The following NRCAM variants were observed in gnomAD, a reference collection of about 807,000 sequenced individuals.
NRCAM encodes neuronal cell adhesion molecule, also known as NgCAM-related cell adhesion molecule.
Under a neutral mutation model 156.5 loss-of-function variants are expected in NRCAM, and 83 were observed. The ratio of observed to expected loss-of-function variants is 0.53; its 90% CI spans 0.44 to 0.64. The LOEUF (loss-of-function observed/expected upper bound fraction) is 0.64. NRCAM is among the 30% of genes least tolerant of loss of function. The pLI is 0.00. For missense variants in NRCAM, 1,417 were observed against 1,597.3 expected (o/e 0.89, Z 1.92); for synonymous variants, 538 against 563.9 (o/e 0.95, Z 0.65).
chr7:108,334,843 T>TATG (rs1213014212), intron 2 of NRCAM, among the ~76,000 whole-genome samples: 1 of 152,180 alleles, frequency 6.6e-6, no homozygotes, highest in African/African-American at 2.4e-5. Context: ...AATAAAATGG[T>TATG]ATGCCCTGAT....
intron 1 of NRCAM, among the ~76,000 whole-genome samples, chr7:108,403,188 T>C (rs1436886848): frequency 6.6e-6 from 1 of 152,216 alleles, no homozygotes; most frequent in Non-Finnish European, 1.5e-5. Flanking sequence ...TCTCTAATCT[T>C]TTTGTAGGTC....
chr7:108,262,303 C>T (rs1474996755), intron 3 of NRCAM, among the ~76,000 whole-genome samples: 1 of 152,120 alleles, frequency 6.6e-6, no homozygotes, highest in African/African-American at 2.4e-5. Context: ...CAGAAGGACT[C>T]CTCAACTACA....
At chr7:108,236,031 C>G (rs2094946021) in intron 5 of NRCAM, among the ~76,000 whole-genome samples, 1 of 152,250 alleles carries the variant, frequency 6.6e-6, no homozygotes, top group Non-Finnish European at 1.5e-5. Context: ...TTTTCATCTT[C>G]TGGATCTTCC....
In NRCAM at chr7:108,231,058, G is replaced by A. The variant is rs2094268237; in HGVS notation, c.523C>T (p.Pro175Ser). ...TTATCCATCCAAAATATTATAGGTGGTGGTAATCCAATTGGGGGTCTGCAG... is the reference window on the plus strand; with the variant it reads ...TTATCCATCCAAAATATTATAGGTGATGGTAATCCAATTGGGGGTCTGCAG... ...LPCRPPIGLP[P>S]PIIFWMDNSF... is the part of the protein sequence containing the mutation. Residue 175 changes from proline to serine, a missense_variant, in exon 8 of 33, where the codon CCA becomes TCA. Around this residue, in one of 2 missense-constraint regions of NRCAM, gnomAD observed 1,238 missense variants for 1,336.4 expected, o/e 0.93. Transcript: ENST00000379028. 2 of 1,606,620 alleles carry A rather than the reference G, an allele frequency of 1.2e-6. No individual in the cohort carries two copies. Among genetic ancestry groups the A allele is most frequent in the African/African-American group, 2.7e-5 (2 of 74,758 alleles).
In NRCAM at chr7:108,220,239, A is replaced by G. The variant is rs1252692834; in HGVS notation, c.890+3486T>C. Among the ~76,000 whole-genome samples the G allele has an allele frequency of 2.0e-5, 3 of 152,162 alleles. No homozygotes were observed. In the East Asian group the frequency reaches 5.8e-4, roughly 29 times the overall value. On this transcript the variant is annotated intron_variant, in intron 11 of 32. Transcript: ENST00000379028. ...AAAACACATCCCATGCTCATGGAAG[A>G]GTAGAATCAATATTGTGAAAATGAC...
intron 11 of NRCAM, among the ~76,000 whole-genome samples, chr7:108,218,175 G>GGGGC (rs2090420265): frequency 2.1e-5 from 1 of 46,650 alleles, no homozygotes; most frequent in African/African-American, 1.1e-4. Context: ...CCCTTGGCTG[G>GGGGC]GGGGGGGGGG....
At chr7:108,209,655 A>G in intron 11 of NRCAM, 50 bp from the exon 12 acceptor site, 1 of 1,344,426 alleles carries the variant, frequency 7.4e-7, no homozygotes, top group Non-Finnish European at 1.0e-6. Context: ...TCCACCTATG[A>G]CTACTTTTGA....
chr7:108,241,857 G>A (rs1328179197), intron 3 of NRCAM, among the ~76,000 whole-genome samples: 1 of 152,108 alleles, frequency 6.6e-6, no homozygotes, highest in Non-Finnish European at 1.5e-5. Context: ...ATGTCTCTGT[G>A]TGGAATAGTG....
At chr7:108,290,817 A>G (rs1050110509) in intron 3 of NRCAM, among the ~76,000 whole-genome samples, 21 of 152,192 alleles carry the variant, frequency 1.4e-4, no homozygotes, top group African/African-American at 5.1e-4. Context: ...AGGGTTCTGA[A>G]AAGGCTTTAG....
Position 108,240,035 on chromosome 7 carries a change from C to T in NRCAM, c.30G>A (p.Lys10=), listed in dbSNP as rs780831993. MQLKIMPKK[K]RLSAGRVPLI... ...GGGGCACTCTGCCCGCAGATAAGCG[C>T]TTCTTTTTCGGCATTATTTTAAGCT... Residue 10 remains lysine, a synonymous_variant, in exon 4 of 33, where the codon AAG becomes AAA. Coordinates refer to ENST00000379028, the MANE Select transcript of NRCAM (RefSeq NM_001037132.4). The T allele has an allele frequency of 2.7e-5, 43 of 1,613,108 alleles. No individual in the cohort carries two copies. Among genetic ancestry groups the T allele is most frequent in the Non-Finnish European group, 3.6e-5 (43 of 1,179,362 alleles).
intron 2 of NRCAM, among the ~76,000 whole-genome samples, chr7:108,389,249 T>C (rs1485921757): frequency 1.3e-5 from 2 of 152,234 alleles, no homozygotes. Context: ...CAGTCGTTTG[T>C]AGTTCTCCTT....
intron 3 of NRCAM, among the ~76,000 whole-genome samples, chr7:108,252,609 C>A (rs1321736594): frequency 6.6e-6 from 1 of 152,118 alleles, no homozygotes; most frequent in Non-Finnish European, 1.5e-5. Context: ...TTGGTTTTAA[C>A]TTCTGATTTT....
chr7:108,194,123 C>T lies in NRCAM; in HGVS notation c.1679G>A (p.Gly560Glu). Reference sequence around the variant, plus strand: ...TTTGCATTCAAAGGACACCATGCTCCCTCTTTGCACAACTGCATATTCGGG... The same window carrying T: ...TTTGCATTCAAAGGACACCATGCTCTCTCTTTGCACAACTGCATATTCGGG... ...KQPEYAVVQR[G>E]SMVSFECKVK... Residue 560 changes from glycine to glutamate, a missense_variant, in exon 17 of 33, where the codon GGG (glycine) becomes GAG (glutamate). Around this residue, in one of 2 missense-constraint regions of NRCAM, gnomAD observed 1,238 missense variants for 1,336.4 expected, o/e 0.93. Transcript: ENST00000379028. 1.9e-6 allele frequency: 3 copies of T among 1,614,090 alleles called. No homozygotes were observed. Among genetic ancestry groups the T allele is most frequent in the Non-Finnish European group, 2.5e-6 (3 of 1,179,942 alleles).
chr7:108,372,944 G>T (rs1208238587), intron 2 of NRCAM, among the ~76,000 whole-genome samples: 1 of 152,056 alleles, frequency 6.6e-6, no homozygotes, highest in East Asian at 1.9e-4. Flanking sequence ...ATGTAGAAAT[G>T]ATCTAAATGC....
At chr7:108,420,125 T>C (rs1807433782) in intron 1 of NRCAM, among the ~76,000 whole-genome samples, 1 of 151,964 alleles carries the variant, frequency 6.6e-6, no homozygotes, top group Non-Finnish European at 1.5e-5. Context: ...TTTCAGAACA[T>C]CTGTACCCAG....
chr7:108,221,478 G>T (rs1387182283), intron 11 of NRCAM, among the ~76,000 whole-genome samples: 1 of 152,014 alleles, frequency 6.6e-6, no homozygotes. Flanking sequence ...AGTGGATAAA[G>T]AAACTGTGGT....
intron 1 of NRCAM, among the ~76,000 whole-genome samples, chr7:108,428,468 A>AC (rs1412897824): frequency 1.3e-5 from 2 of 152,220 alleles, no homozygotes; most frequent in Non-Finnish European, 2.9e-5. Flanking sequence ...AGGGCTCTGC[A>AC]CAAGTGACCT....
intron 17 of NRCAM, among the ~76,000 whole-genome samples, chr7:108,193,584 A>G (rs2153457332): frequency 6.6e-6 from 1 of 152,316 alleles, no homozygotes; most frequent in East Asian, 1.9e-4. Context: ...CTTTAGGTAA[A>G]ATCAAAAGAA....
chr7:108,239,113 T>A (rs2095355299), intron 4 of NRCAM, among the ~76,000 whole-genome samples: 1 of 152,082 alleles, frequency 6.6e-6, no homozygotes, highest in Admixed American at 6.5e-5. Flanking sequence ...GTACAGTAAT[T>A]GTCCAGATTT....
Sources: gnomAD v4.1 joint callset for allele counts (sites outside exome capture counted in the v4.1 genomes callset) on GRCh38, gnomAD v4.1.1 for gene constraint, gnomAD v4.1.1 regional missense constraint, MANE v1.5 for transcripts, NCBI Gene and HGNC (gene_info 2026-07-23, HGNC 2026-07-21) for gene names.